Variants in LRRTM4 observed in about 807,000 individuals in gnomAD.
The protein encoded by LRRTM4 is leucine rich repeat transmembrane neuronal 4.
Under a neutral mutation model 47.6 loss-of-function variants are expected in LRRTM4, and 25 were observed. The ratio of observed to expected loss-of-function variants is 0.53; its 90% CI spans 0.38 to 0.73. The LOEUF (loss-of-function observed/expected upper bound fraction) is 0.73, where lower values mean the gene tolerates loss of function less well. LRRTM4 is among the 30% of genes least tolerant of loss of function. LRRTM4 has a pLI of 0.00. For synonymous variants in LRRTM4, 311 were observed against 269.5 expected, an observed-to-expected ratio of 1.15 and a Z score of -1.51; for missense variants, 638 against 713.4, an observed-to-expected ratio of 0.89 and a Z score of 1.20.
chr2:77,437,226 T>C (rs1450148702), intron 3 of LRRTM4, among the ~76,000 whole-genome samples: 1 of 152,060 alleles, frequency 6.6e-6, no homozygotes, highest in African/African-American at 2.4e-5. Context: ...AGAAATATCG[T>C]TGATATTTTT....
At chr2:77,086,570 T>A (rs1209642053) in intron 3 of LRRTM4, among the ~76,000 whole-genome samples, 1 of 151,162 alleles carries the variant, frequency 6.6e-6, no homozygotes, top group Non-Finnish European at 1.5e-5. Context: ...CTCTGCCTCC[T>A]GGACTCAAGC....
intron 3 of LRRTM4, among the ~76,000 whole-genome samples, chr2:77,191,489 A>G (rs912229919): frequency 6.6e-6 from 1 of 151,938 alleles, no homozygotes; most frequent in Non-Finnish European, 1.5e-5. Flanking sequence ...GTAATTTGAA[A>G]TTAATTAAAA....
At chr2:77,114,873 A>G (rs969404485) in intron 3 of LRRTM4, among the ~76,000 whole-genome samples, 11 of 152,124 alleles carry the variant, frequency 7.2e-5, no homozygotes, top group Non-Finnish European at 1.3e-4. Context: ...GCAAGGCAAA[A>G]TTAGAATTAC....
intron 3 of LRRTM4, among the ~76,000 whole-genome samples, chr2:76,966,233 G>A (rs1247167606): frequency 6.6e-6 from 1 of 151,430 alleles, no homozygotes; most frequent in Non-Finnish European, 1.5e-5. Flanking sequence ...AAAAGAAATG[G>A]AGGGGAGGAG....
At chr2:77,512,043 G>A (rs946909659) in intron 3 of LRRTM4, among the ~76,000 whole-genome samples, 12 of 152,062 alleles carry the variant, frequency 7.9e-5, no homozygotes, top group Non-Finnish European at 1.5e-4. Context: ...GGACAACCTC[G>A]AACTTTTGGC....
chr2:76,775,891 A>G (rs1020633064), intron 3 of LRRTM4, among the ~76,000 whole-genome samples: 28 of 151,898 alleles, frequency 1.8e-4, no homozygotes, highest in Non-Finnish European at 3.4e-4. Context: ...ATGTCTCCCA[A>G]TGCTATCCCT....
At chr2:77,196,123 T>C (rs1673819690) in intron 3 of LRRTM4, among the ~76,000 whole-genome samples, 1 of 152,196 alleles carries the variant, frequency 6.6e-6, no homozygotes, top group African/African-American at 2.4e-5. Context: ...TTGGTTATTG[T>C]CATTTAATAA....
chr2:77,125,821 C>A (rs750457380), intron 3 of LRRTM4, among the ~76,000 whole-genome samples: 7 of 151,490 alleles, frequency 4.6e-5, no homozygotes, highest in Non-Finnish European at 1.0e-4. Context: ...AGTAACAGAG[C>A]CCTAAATTTA....
chr2:77,244,716 CTG>C (rs1411613258), intron 3 of LRRTM4, among the ~76,000 whole-genome samples: 2 of 152,106 alleles, frequency 1.3e-5, no homozygotes, highest in Admixed American at 1.3e-4. Flanking sequence ...GGCTAAAAAA[CTG>C]TGAATTTCCT....
chr2:76,805,192 T>C (rs771164547), intron 3 of LRRTM4, among the ~76,000 whole-genome samples: 1 of 152,044 alleles, frequency 6.6e-6, no homozygotes, highest in African/African-American at 2.4e-5. Context: ...GTGGAGAATA[T>C]CCTAATGAAA....
intron 3 of LRRTM4, among the ~76,000 whole-genome samples, chr2:76,797,378 G>A (rs144892610): frequency 0.083 from 12,616 of 151,928 alleles, 575 homozygotes; most frequent in Middle Eastern, 0.15. Flanking sequence ...CTTCATAAGC[G>A]AATGAGAAAT....
chr2:76,819,001 G>A (rs896362861), intron 3 of LRRTM4, among the ~76,000 whole-genome samples: 4 of 151,696 alleles, frequency 2.6e-5, no homozygotes, highest in Admixed American at 1.3e-4. Context: ...TGTCGACATG[G>A]TATGGAACAA....
rs570143271 is a variant in LRRTM4 at position 77,432,278 on chromosome 2, C to G, written c.1551+86040G>C. ...CCTGGGTGCAACCCACGTAGCAGCT[C>G]TCATGGTTAAGGATTCATTCCTGTG... On this transcript the variant is annotated intron_variant, in intron 3 of 3. Coordinates refer to ENST00000409884, the MANE Select transcript of LRRTM4 (RefSeq NM_001134745.3). 2.3e-4 allele frequency among the ~76,000 whole-genome samples: 35 copies of G among 152,298 alleles called. No individual in the cohort carries two copies. In the South Asian group the frequency reaches 5.2e-3, roughly 23 times the overall value.
chr2:77,511,170 A>C (rs1371257150), intron 3 of LRRTM4, among the ~76,000 whole-genome samples: 1 of 152,064 alleles, frequency 6.6e-6, no homozygotes, highest in Non-Finnish European at 1.5e-5. Context: ...TAAAAAAATT[A>C]CTTTTCTGTC....
At chr2:77,258,034 T>C (rs1675817266) in intron 3 of LRRTM4, among the ~76,000 whole-genome samples, 1 of 150,986 alleles carries the variant, frequency 6.6e-6, no homozygotes, top group South Asian at 2.1e-4. Flanking sequence ...AGGCAGAAGT[T>C]GTGGTGAGCC....
intron 3 of LRRTM4, among the ~76,000 whole-genome samples, chr2:77,069,622 G>T (rs1680084072): frequency 6.6e-6 from 1 of 152,148 alleles, no homozygotes; most frequent in African/African-American, 2.4e-5. Flanking sequence ...TTGGTAGCTT[G>T]TGTATTTCAA....
intron 3 of LRRTM4, among the ~76,000 whole-genome samples, chr2:76,765,615 G>A (rs900576055): frequency 4.6e-5 from 7 of 152,154 alleles, no homozygotes; most frequent in South Asian, 4.1e-4. Context: ...TGTGTACAAA[G>A]GAGAGGTCAT....
intron 3 of LRRTM4, among the ~76,000 whole-genome samples, chr2:77,086,988 A>T (rs999213616): frequency 6.6e-6 from 1 of 150,440 alleles, no homozygotes; most frequent in African/African-American, 2.4e-5. Flanking sequence ...AACCTTTTAA[A>T]CCTTGTAGCT....
intron 3 of LRRTM4, among the ~76,000 whole-genome samples, chr2:77,112,804 A>G (rs925726463): frequency 3.3e-5 from 5 of 152,062 alleles, no homozygotes; most frequent in African/African-American, 1.2e-4. Context: ...TGGGTCTCTG[A>G]TCCAATGTCT....
Sources: gnomAD v4.1 joint callset for allele counts (sites outside exome capture counted in the v4.1 genomes callset) on GRCh38, gnomAD v4.1.1 for gene constraint, MANE v1.5 for transcripts, NCBI Gene and HGNC (gene_info 2026-07-23, HGNC 2026-07-21) for gene names.